Variants in CDH18 observed in about 807,000 individuals in gnomAD.
CDH18 encodes the protein cadherin-18.
Under a neutral mutation model 67.9 loss-of-function variants are expected in CDH18, and 31 were observed. The observed-to-expected ratio is 0.46, with a 90% CI of 0.34 to 0.62. The LOEUF (loss-of-function observed/expected upper bound fraction) is 0.62. Ranked by LOEUF, CDH18 falls within the 20% of genes least tolerant of loss-of-function variation. CDH18 has a pLI of 0.01. For missense variants in CDH18, 890 were observed against 975.5 expected, an observed-to-expected ratio of 0.91 and a Z score of 1.17; for synonymous variants, 362 against 347.2, an observed-to-expected ratio of 1.04 and a Z score of -0.48.
chr5:20,418,242 ATTTTTTTTTTTT>A lies in CDH18; in HGVS notation c.-580+157208_-580+157219del, dbSNP rs58308147. Among the ~76,000 whole-genome samples, 4 of 56,922 alleles carry A rather than the reference ATTTTTTTTTTTT, an allele frequency of 7.0e-5. No individual in the cohort carries two copies. In the East Asian group the frequency reaches 2.2e-3, roughly 31 times the overall value. 37.3% of individuals were successfully genotyped at this position (56,922 alleles called of 152,430 possible). A position where few individuals can be genotyped will look rare whatever the true frequency, so the allele number is the denominator to read the frequency against. On this transcript the variant is annotated intron_variant, in intron 1 of 14. Coordinates refer to the CDH18 transcript ENST00000507958. Reference sequence around the variant, plus strand: ...AGGTGTCTGCCACCACTGCTGGCTAATTTTTTTTTTTTTTTTTTTTTTTTGTATTTTCAGTAG... The same window carrying A: ...AGGTGTCTGCCACCACTGCTGGCTAATTTTTTTTTTTTGTATTTTCAGTAG...
chr5:20,307,015 T>C (rs886328357), intron 1 of CDH18, among the ~76,000 whole-genome samples: 2 of 141,196 alleles, frequency 1.4e-5, no homozygotes, highest in African/African-American at 6.1e-5. Flanking sequence ...AACTGTGATA[T>C]CTTATGAGGA....
intron 3 of CDH18, among the ~76,000 whole-genome samples, chr5:19,776,037 T>A (rs978316392): frequency 6.6e-6 from 1 of 151,890 alleles, no homozygotes; most frequent in African/African-American, 2.4e-5. Flanking sequence ...GTACACAAAA[T>A]TATCAGAGAA....
chr5:19,585,810 T>G (rs1355341525), intron 7 of CDH18, among the ~76,000 whole-genome samples: 1 of 152,190 alleles, frequency 6.6e-6, no homozygotes, highest in Non-Finnish European at 1.5e-5. Context: ...TCCCATATTT[T>G]TGCTTCCCAT....
intron 2 of CDH18, among the ~76,000 whole-genome samples, chr5:20,084,656 C>T (rs111666778): frequency 0.023 from 3,457 of 152,286 alleles, 59 homozygotes; most frequent in African/African-American, 0.042. Flanking sequence ...CATTTTCATA[C>T]ATCTTCTGAA....
At chr5:20,248,658 G>T (rs1743570613) in intron 2 of CDH18, among the ~76,000 whole-genome samples, 1 of 152,216 alleles carries the variant, frequency 6.6e-6, no homozygotes, top group African/African-American at 2.4e-5. Context: ...AGTCAACCCT[G>T]TGTGACCTTC....
intron 9 of CDH18, among the ~76,000 whole-genome samples, chr5:19,521,058 A>G (rs1375357455): frequency 6.6e-6 from 1 of 152,220 alleles, no homozygotes; most frequent in Non-Finnish European, 1.5e-5. Flanking sequence ...AAGTTGTCAG[A>G]ATTCATTGTA....
At chr5:19,975,094 G>A (rs1357841551) in intron 2 of CDH18, among the ~76,000 whole-genome samples, 4 of 152,046 alleles carry the variant, frequency 2.6e-5, no homozygotes, top group African/African-American at 9.7e-5. Flanking sequence ...TAATCTGGTT[G>A]ACTATGCATG....
chr5:20,225,548 C>T lies in CDH18; in HGVS notation c.-518+29896G>A, dbSNP rs1391299518. On this transcript the variant is annotated intron_variant, in intron 2 of 14. Transcript: ENST00000507958. Reference sequence around the variant, plus strand: ...GCTGTAGACATTCATAGGCTCACTACAGTACCTAATGGAGAAAACAGTATC... The same window carrying T: ...GCTGTAGACATTCATAGGCTCACTATAGTACCTAATGGAGAAAACAGTATC... 3.9e-5 allele frequency among the ~76,000 whole-genome samples: 6 copies of T among 152,218 alleles called. 1 individual carries two copies. In the Middle Eastern group the frequency reaches 0.01, roughly 259 times the overall value.
At chr5:20,261,655 C>T (rs1041609104) in intron 1 of CDH18, among the ~76,000 whole-genome samples, 2 of 151,826 alleles carry the variant, frequency 1.3e-5, no homozygotes, top group African/African-American at 4.8e-5. Context: ...GGCGTGAACC[C>T]GGGAGGCAGA....
intron 2 of CDH18, among the ~76,000 whole-genome samples, chr5:20,203,306 C>A (rs1739595658): frequency 6.6e-6 from 1 of 152,126 alleles, no homozygotes; most frequent in African/African-American, 2.4e-5. Context: ...AATGGGTCTT[C>A]CATCCCCAGC....
intron 7 of CDH18, among the ~76,000 whole-genome samples, chr5:19,573,131 T>C (rs1342798522): frequency 1.3e-5 from 2 of 152,208 alleles, no homozygotes; most frequent in Non-Finnish European, 2.9e-5. Flanking sequence ...GTTGATCATA[T>C]ATACAATACA....
intron 1 of CDH18, among the ~76,000 whole-genome samples, chr5:20,430,124 T>C (rs1748617796): frequency 1.3e-5 from 2 of 152,180 alleles, no homozygotes; most frequent in Non-Finnish European, 2.9e-5. Context: ...AAGAGTGTTG[T>C]ACAGAATACA....
chr5:19,684,210 T>A (rs932106550), intron 5 of CDH18, among the ~76,000 whole-genome samples: 25 of 152,034 alleles, frequency 1.6e-4, no homozygotes, highest in African/African-American at 6.0e-4. Flanking sequence ...ATGGGAGAAT[T>A]TAGGCAGGAA....
chr5:20,253,710 T>C (rs933249147), intron 2 of CDH18, among the ~76,000 whole-genome samples: 3 of 152,128 alleles, frequency 2.0e-5, no homozygotes, highest in African/African-American at 7.2e-5. Flanking sequence ...TTAAAGGATG[T>C]AAAAAGTTAA....
intron 3 of CDH18, among the ~76,000 whole-genome samples, chr5:19,820,557 CA>C (rs1330546600): frequency 2.0e-5 from 3 of 152,192 alleles, no homozygotes; most frequent in African/African-American, 7.2e-5. Flanking sequence ...CTCAGAGGAC[CA>C]AAAGGTCCCC....
intron 2 of CDH18, among the ~76,000 whole-genome samples, chr5:19,906,788 T>A (rs1285214514): frequency 6.6e-6 from 1 of 151,890 alleles, no homozygotes; most frequent in African/African-American, 2.4e-5. Context: ...TATAAATAGA[T>A]CCATGATTGG....
intron 2 of CDH18, among the ~76,000 whole-genome samples, chr5:19,910,731 C>T (rs529137078): frequency 2.6e-5 from 4 of 152,224 alleles, no homozygotes; most frequent in African/African-American, 4.8e-5. Context: ...AGTCTTACCA[C>T]GTGTCCTGGA....
intron 2 of CDH18, among the ~76,000 whole-genome samples, chr5:20,083,451 G>A (rs946898811): frequency 6.6e-6 from 1 of 152,056 alleles, no homozygotes; most frequent in African/African-American, 2.4e-5. Context: ...TTGAGAGCAA[G>A]TCTATCAGCA....
At chr5:19,936,309 C>A (rs1475827200) in intron 2 of CDH18, among the ~76,000 whole-genome samples, 1 of 151,086 alleles carries the variant, frequency 6.6e-6, no homozygotes, top group Non-Finnish European at 1.5e-5. Flanking sequence ...TTAAAGAGCA[C>A]TTTCTTTTTT....
Sources: gnomAD v4.1 joint callset for allele counts (sites outside exome capture counted in the v4.1 genomes callset) on GRCh38, gnomAD v4.1.1 for gene constraint, MANE v1.5 for transcripts, NCBI Gene and HGNC (gene_info 2026-07-23, HGNC 2026-07-21) for gene names.